The following SSBP3 variants were observed in gnomAD, a reference collection of about 807,000 sequenced individuals.
The protein encoded by SSBP3 is single-stranded DNA-binding protein 3.
Under a neutral mutation model 69.6 loss-of-function variants are expected in SSBP3, and 5 were observed. That is an observed-to-expected ratio of 0.07 (90% CI 0.04 to 0.15). SSBP3 has a LOEUF of 0.15. Ranked by LOEUF, SSBP3 falls within the 10% of genes least tolerant of loss-of-function variation. The pLI is 1.00. For synonymous variants in SSBP3, 196 were observed against 193.4 expected, an observed-to-expected ratio of 1.01 and a Z score of -0.11; for missense variants, 312 against 534.0, an observed-to-expected ratio of 0.58 and a Z score of 4.10.
chr1:54,253,791 G>A (rs968717814), intron 7 of SSBP3, among the ~76,000 whole-genome samples: 1 of 152,198 alleles, frequency 6.6e-6, no homozygotes, highest in African/African-American at 2.4e-5. Context: ...CCCAGTGCAG[G>A]ACCACCCCAT....
intron 4 of SSBP3, among the ~76,000 whole-genome samples, chr1:54,288,954 A>G (rs1426429236): frequency 1.4e-5 from 2 of 140,746 alleles, no homozygotes; most frequent in Non-Finnish European, 3.0e-5. Context: ...CGGGAGGTGG[A>G]GCTTGCAGTG....
intron 4 of SSBP3, among the ~76,000 whole-genome samples, chr1:54,294,486 T>C (rs1222077726): frequency 3.9e-5 from 6 of 152,114 alleles, no homozygotes; most frequent in Non-Finnish European, 4.4e-5. Flanking sequence ...GAAAGACAAC[T>C]TCAGCTAGTG....
At chr1:54,376,473 T>C (rs1288031766) in intron 4 of SSBP3, among the ~76,000 whole-genome samples, 1 of 152,202 alleles carries the variant, frequency 6.6e-6, no homozygotes, top group African/African-American at 2.4e-5. Context: ...ACACGCTGCC[T>C]GCTCTGACTT....
chr1:54,296,125 G>A (rs757873454), intron 4 of SSBP3, among the ~76,000 whole-genome samples: 4 of 152,170 alleles, frequency 2.6e-5, no homozygotes, highest in Non-Finnish European at 5.9e-5. Context: ...TTATTTGTCT[G>A]CTTTATAAAG....
At chr1:54,249,987 CT>C (rs1319547277) in intron 9 of SSBP3, among the ~76,000 whole-genome samples, 1 of 152,208 alleles carries the variant, frequency 6.6e-6, no homozygotes, top group African/African-American at 2.4e-5. Context: ...TCCAAGGCCA[CT>C]GCTGATTTCT....
At chr1:54,270,343 C>G (rs1382003359) in intron 5 of SSBP3, among the ~76,000 whole-genome samples, 1 of 152,138 alleles carries the variant, frequency 6.6e-6, no homozygotes, top group Non-Finnish European at 1.5e-5. Context: ...ACAACACCTG[C>G]CTCCCAGCCT....
intron 4 of SSBP3, among the ~76,000 whole-genome samples, chr1:54,287,741 C>T (rs1645517346): frequency 6.6e-6 from 1 of 152,096 alleles, no homozygotes; most frequent in Admixed American, 6.5e-5. Context: ...GGGGGAATGT[C>T]ATCACCCAGA....
intron 9 of SSBP3, among the ~76,000 whole-genome samples, chr1:54,246,428 A>G (rs1411437816): frequency 6.6e-6 from 1 of 152,192 alleles, no homozygotes; most frequent in Non-Finnish European, 1.5e-5. Context: ...CCAGGACTGC[A>G]GCCGCCTCTC....
chr1:54,276,608 CAA>C (rs746933473), intron 5 of SSBP3, among the ~76,000 whole-genome samples: 62 of 35,210 alleles, frequency 1.8e-3, no homozygotes, highest in South Asian at 0.011. Context: ...GACTCTGTCT[CAA>C]AAAAAAAAAA....
intron 4 of SSBP3, among the ~76,000 whole-genome samples, chr1:54,342,814 G>A (rs543766080): frequency 5.9e-5 from 9 of 152,168 alleles, no homozygotes; most frequent in South Asian, 4.1e-4. Context: ...ACCCTTCCCC[G>A]AGTCTCCCAC....
intron 9 of SSBP3, among the ~76,000 whole-genome samples, chr1:54,247,038 G>A (rs549445816): frequency 4.1e-4 from 62 of 152,370 alleles, no homozygotes; most frequent in Non-Finnish European, 1.2e-4. Flanking sequence ...GCAGAGAGCA[G>A]GAGCCTCCAG....
chr1:54,348,010 C>T (rs1475272948), intron 4 of SSBP3, among the ~76,000 whole-genome samples: 1 of 152,156 alleles, frequency 6.6e-6, no homozygotes, highest in Non-Finnish European at 1.5e-5. Context: ...CAATCACCCA[C>T]CCCTTTCCTC....
chr1:54,282,041 AAATAAT>A (rs61443250), intron 4 of SSBP3, among the ~76,000 whole-genome samples: 23 of 142,902 alleles, frequency 1.6e-4, no homozygotes, highest in Admixed American at 5.6e-4. Context: ...GCCCTATCTC[AAATAAT>A]AATAATAATA....
At chr1:54,304,044 G>C (rs144925002) in intron 4 of SSBP3, among the ~76,000 whole-genome samples, 3 of 152,272 alleles carry the variant, frequency 2.0e-5, no homozygotes, top group Non-Finnish European at 4.4e-5. Context: ...CAGGAGACCG[G>C]AGAAGGTGGC....
intron 4 of SSBP3, among the ~76,000 whole-genome samples, chr1:54,322,754 C>T (rs1269475269): frequency 1.3e-5 from 2 of 152,126 alleles, no homozygotes; most frequent in African/African-American, 4.8e-5. Flanking sequence ...AACCAACCAA[C>T]CTAGGTTCAA....
chr1:54,245,135 C>T (rs189538259), intron 9 of SSBP3, among the ~76,000 whole-genome samples: 105 of 152,352 alleles, frequency 6.9e-4, no homozygotes, highest in Admixed American at 1.6e-3. Context: ...TGTAGGAGAA[C>T]TTGAAGTAGG....
chr1:54,283,267 T>A (rs1419634544), intron 4 of SSBP3, among the ~76,000 whole-genome samples: 436 of 67,636 alleles, frequency 6.4e-3, no homozygotes, highest in African/African-American at 0.038. Flanking sequence ...AAACTCCCCA[T>A]CTCATAAAAA....
intron 5 of SSBP3, among the ~76,000 whole-genome samples, chr1:54,276,614 A>C (rs1285218439): frequency 2.8e-4 from 41 of 148,806 alleles, no homozygotes; most frequent in Admixed American, 1.8e-3. Flanking sequence ...GTCTCAAAAA[A>C]AAAAAAAAAA....
chr1:54,228,909 T>C, intron 14 of SSBP3, 83 bp from the exon 15 acceptor site: 1 of 1,427,760 alleles, frequency 7.0e-7, no homozygotes, highest in Non-Finnish European at 9.7e-7. Context: ...CAGCCACGCT[T>C]GAGTCCTGGC....
Sources: gnomAD v4.1 joint callset for allele counts (sites outside exome capture counted in the v4.1 genomes callset) on GRCh38, gnomAD v4.1.1 for gene constraint, MANE v1.5 for transcripts, NCBI Gene and HGNC (gene_info 2026-07-23, HGNC 2026-07-21) for gene names.